Variants in APPBP2 observed in about 807,000 individuals in gnomAD.
APPBP2 encodes the protein amyloid protein-binding protein 2.
A neutral mutation model predicts 76.0 loss-of-function variants in APPBP2; 15 were observed. The observed-to-expected ratio is 0.20, with a 90% CI of 0.13 to 0.30. APPBP2 has a LOEUF of 0.30. Among genes scored for constraint, APPBP2 ranks in the 10% least tolerant of loss-of-function variants. The probability of loss-of-function intolerance (pLI) is 1.00; values close to 1 mark genes in which losing one functional copy is unlikely to be tolerated. For missense variants in APPBP2, 401 were observed against 687.2 expected (o/e 0.58, Z 4.66); for synonymous variants, 222 against 242.2 (o/e 0.92, Z 0.77).
intron 4 of APPBP2, among the ~76,000 whole-genome samples, chr17:60,471,591 T>C (rs73990457): frequency 0.02 from 3,014 of 151,978 alleles, 98 homozygotes; most frequent in African/African-American, 0.068. Context: ...TTTTTTTTTT[T>C]CCCTTCATCC....
At chr17:60,472,211 G>A (rs2090557709) in intron 4 of APPBP2, among the ~76,000 whole-genome samples, 1 of 152,214 alleles carries the variant, frequency 6.6e-6, no homozygotes, top group African/African-American at 2.4e-5. Context: ...TCCTTCCTCT[G>A]CAATTTCCTG....
intron 2 of APPBP2, among the ~76,000 whole-genome samples, chr17:60,496,250 T>C (rs1212465226): frequency 2.6e-5 from 4 of 152,222 alleles, no homozygotes; most frequent in Admixed American, 2.0e-4. Context: ...ATCTTGTGAA[T>C]AGTTGAATGG....
chr17:60,470,565 C>G (rs1229250485), intron 4 of APPBP2, among the ~76,000 whole-genome samples: 2 of 151,710 alleles, frequency 1.3e-5, no homozygotes, highest in East Asian at 3.9e-4. Flanking sequence ...CATGCCCAGC[C>G]TGCTCTTTAT....
chr17:60,474,557 A>C (rs1253084590), intron 4 of APPBP2, among the ~76,000 whole-genome samples: 1 of 152,192 alleles, frequency 6.6e-6, no homozygotes, highest in African/African-American at 2.4e-5. Flanking sequence ...ATTTCAGCTT[A>C]ACATTTCTTT....
At chr17:60,458,725 T>C (rs534381906) in intron 9 of APPBP2, among the ~76,000 whole-genome samples, 41 of 152,020 alleles carry the variant, frequency 2.7e-4, no homozygotes, top group African/African-American at 9.4e-4. Context: ...TCTTTAATCA[T>C]ATAAAGAACA....
chr17:60,452,951 C>T (rs768085861), intron 11 of APPBP2, among the ~76,000 whole-genome samples: 5 of 152,010 alleles, frequency 3.3e-5, no homozygotes, highest in Non-Finnish European at 7.4e-5. Context: ...ATATATATAA[C>T]TCAAAATTCT....
intron 12 of APPBP2, among the ~76,000 whole-genome samples, chr17:60,449,074 G>A (rs2143278107): frequency 6.6e-6 from 1 of 152,282 alleles, no homozygotes; most frequent in African/African-American, 2.4e-5. Context: ...TTTGAACATA[G>A]TATTCTGAAA....
intron 3 of APPBP2, among the ~76,000 whole-genome samples, chr17:60,488,265 G>C (rs1288149834): frequency 6.6e-6 from 1 of 152,200 alleles, no homozygotes. Context: ...GTCAGACAGG[G>C]ATGTTTAAGT....
At chr17:60,487,037 CTT>C (rs1357973752) in intron 3 of APPBP2, among the ~76,000 whole-genome samples, 2 of 152,194 alleles carry the variant, frequency 1.3e-5, no homozygotes, top group African/African-American at 4.8e-5. Flanking sequence ...TCTCTTCTGG[CTT>C]GTAGAGTTTC....
chr17:60,490,517 A>G (rs921054313), intron 3 of APPBP2, among the ~76,000 whole-genome samples: 1 of 152,144 alleles, frequency 6.6e-6, no homozygotes, highest in East Asian at 1.9e-4. Context: ...ACAAAAATAA[A>G]AATTAGCTGT....
chr17:60,470,994 A>C (rs1419747669), intron 4 of APPBP2, among the ~76,000 whole-genome samples: 1 of 151,448 alleles, frequency 6.6e-6, no homozygotes, highest in African/African-American at 2.4e-5. Context: ...ACAGAGTTTT[A>C]TCATGTTGGC....
intron 1 of APPBP2, among the ~76,000 whole-genome samples, chr17:60,522,545 T>C (rs2091018104): frequency 6.6e-6 from 1 of 152,186 alleles, no homozygotes; most frequent in Admixed American, 6.5e-5. Flanking sequence ...GGTCTCGAAC[T>C]CCTGTGCTCA....
At chr17:60,465,163 G>A (rs1025524415) in intron 5 of APPBP2, 37 of 148,140 alleles carry the variant, frequency 2.5e-4, no homozygotes, top group Admixed American at 2.4e-3. Context: ...TGAAGTTTCT[G>A]CCCCTGTGCC....
intron 4 of APPBP2, among the ~76,000 whole-genome samples, chr17:60,476,400 T>C (rs2090591353): frequency 6.6e-6 from 1 of 152,188 alleles, no homozygotes; most frequent in African/African-American, 2.4e-5. Flanking sequence ...TCTTTTCTAA[T>C]TCAATTAAAC....
intron 9 of APPBP2, 181 bp downstream of exon 9, chr17:60,460,482 T>G (rs1598349176): frequency 2.0e-6 from 1 of 511,620 alleles, no homozygotes; most frequent in Non-Finnish European, 3.0e-6. Flanking sequence ...TGAAAACTGG[T>G]ATGATTTTAA....
chr17:60,503,360 C>T (rs1234521291), intron 1 of APPBP2, among the ~76,000 whole-genome samples: 2 of 145,514 alleles, frequency 1.4e-5, no homozygotes, highest in African/African-American at 5.7e-5. Flanking sequence ...TCAACTCATC[C>T]TTACCAAGTT....
rs994390431 is a variant in APPBP2 at position 60,525,961 on chromosome 17, C to T, written c.-30G>A. On this transcript the variant is annotated 5_prime_UTR_variant, in exon 1 of 13. Coordinates refer to ENST00000083182, the MANE Select transcript of APPBP2 (RefSeq NM_006380.5). ...CTTCCCTCCTCCTCCGCCTCCTCCGCCTCCTCCTCCCGAAGGCCCCCACCT... is the reference window on the plus strand; with the variant it reads ...CTTCCCTCCTCCTCCGCCTCCTCCGTCTCCTCCTCCCGAAGGCCCCCACCT... 6.4e-6 allele frequency: 10 copies of T among 1,557,028 alleles called. No homozygotes were observed. Among genetic ancestry groups the T allele is most frequent in the Admixed American group, 1.9e-5 (1 of 51,786 alleles).
At chr17:60,489,012 T>C (rs935376089) in intron 3 of APPBP2, among the ~76,000 whole-genome samples, 2 of 150,930 alleles carry the variant, frequency 1.3e-5, no homozygotes, top group Non-Finnish European at 3.0e-5. Flanking sequence ...CACGAAGTCA[T>C]GAGTTTGAGA....
At chr17:60,470,293 C>T (rs932456255) in intron 4 of APPBP2, among the ~76,000 whole-genome samples, 9 of 152,100 alleles carry the variant, frequency 5.9e-5, no homozygotes, top group African/African-American at 9.7e-5. Context: ...CAGAGTCTCA[C>T]TCTGTCACCC....
Sources: allele counts gnomAD v4.1 joint callset (sites outside exome capture counted in the v4.1 genomes callset), GRCh38; gene constraint gnomAD v4.1.1; transcripts MANE v1.5; gene names NCBI Gene and HGNC (gene_info 2026-07-23, HGNC 2026-07-21).